The following SNAPC3 variants were observed in gnomAD, a reference collection of about 807,000 sequenced individuals.
The protein encoded by SNAPC3 is small nuclear RNA activating complex polypeptide 3, also known as snRNA-activating protein complex subunit 3.
In SNAPC3, 56 loss-of-function variants were observed where a neutral mutation model predicts 47.7. The ratio of observed to expected loss-of-function variants is 1.18; its 90% CI spans 0.95 to 1.47. SNAPC3 has a LOEUF of 1.47. SNAPC3 is among the 40% of genes most tolerant of loss of function. The pLI is 0.00. For missense variants in SNAPC3, 665 were observed against 511.3 expected (o/e 1.30, Z -2.90); for synonymous variants, 235 against 189.9 (o/e 1.24, Z -1.95).
chr9:15,434,493 C>T (rs974308412), intron 3 of SNAPC3, among the ~76,000 whole-genome samples: 2 of 151,636 alleles, frequency 1.3e-5, no homozygotes, highest in East Asian at 1.9e-4. Context: ...CTGCAGTCTC[C>T]GCCTCCTGGG....
chr9:15,427,618 A>G (rs2031585779), intron 2 of SNAPC3, among the ~76,000 whole-genome samples: 1 of 152,220 alleles, frequency 6.6e-6, no homozygotes. Context: ...AAGGGCTGGT[A>G]TTACAGGCGT....
chr9:15,462,821 T>C (rs1250488409), downstream of SNAPC3: 1 of 152,208 alleles, frequency 6.6e-6, no homozygotes, highest in Non-Finnish European at 1.5e-5. Context: ...CCAGTTTCTT[T>C]GTTTCTAAAG....
At chr9:15,458,432 A>G (rs560197403) in intron 8 of SNAPC3, among the ~76,000 whole-genome samples, 3 of 152,320 alleles carry the variant, frequency 2.0e-5, no homozygotes, top group Non-Finnish European at 4.4e-5. Flanking sequence ...GCACATTACC[A>G]TAAAGGGATT....
chr9:15,443,041 C>T (rs62570980), intron 3 of SNAPC3, among the ~76,000 whole-genome samples: 6,188 of 152,278 alleles, frequency 0.041, 138 homozygotes, highest in South Asian at 0.069. Flanking sequence ...CGTGGCGGCG[C>T]GCACCCGCAA....
chr9:15,459,783 CGA>C lies in SNAPC3; in HGVS notation c.1154_1155del (p.Arg385HisfsTer5). The C allele has an allele frequency of 6.2e-7, 1 of 1,613,138 alleles. No homozygotes were observed. Among genetic ancestry groups the C allele is most frequent in the Non-Finnish European group, 8.5e-7 (1 of 1,179,428 alleles). ...DPCFFCDVCF[R>X]MLHYDSEGNK... ...ATGCTTCTTTTGTGATGTTTGCTTC[CGA>C]ATGCTGCACTATGATTCAGAAGGCA... On this transcript the variant is annotated frameshift_variant, in exon 9 of 9. Transcript: ENST00000380821. LOFTEE classifies it high-confidence loss of function.
intron 3 of SNAPC3, among the ~76,000 whole-genome samples, chr9:15,442,753 A>T (rs983163272): frequency 2.6e-5 from 4 of 152,130 alleles, no homozygotes; most frequent in Non-Finnish European, 2.9e-5. Context: ...GACGCTCTTC[A>T]CTTGCCAGAC....
At chr9:15,451,556 T>C (rs1024781210) in intron 6 of SNAPC3, among the ~76,000 whole-genome samples, 154 bp downstream of exon 6, 1 of 152,152 alleles carries the variant, frequency 6.6e-6, no homozygotes, top group African/African-American at 2.4e-5. Flanking sequence ...CAAAAAAAAT[T>C]AGCCAGACAC....
chr9:15,456,247 T>C (rs941838240), intron 7 of SNAPC3, among the ~76,000 whole-genome samples: 1 of 152,032 alleles, frequency 6.6e-6, no homozygotes, highest in African/African-American at 2.4e-5. Flanking sequence ...TGACCTCAGG[T>C]GATCCGCCCA....
At chr9:15,449,603 T>C (rs1236810484) in intron 5 of SNAPC3, among the ~76,000 whole-genome samples, 1 of 142,070 alleles carries the variant, frequency 7.0e-6, no homozygotes, top group Non-Finnish European at 1.5e-5. Flanking sequence ...AGAATTTTGC[T>C]CTTCTTGCCC....
chr9:15,456,547 A>AG (rs1310142830), intron 7 of SNAPC3, among the ~76,000 whole-genome samples: 8 of 151,944 alleles, frequency 5.3e-5, no homozygotes, highest in African/African-American at 1.9e-4. Context: ...GGCTCAATGC[A>AG]GCCTCAACCT....
At chr9:15,427,685 A>G (rs1354542487) in intron 2 of SNAPC3, among the ~76,000 whole-genome samples, 2 of 152,172 alleles carry the variant, frequency 1.3e-5, no homozygotes, top group South Asian at 2.1e-4. Context: ...GAAATTTTAG[A>G]TTATTCTGCC....
rs375364940 is a variant in SNAPC3, at chr9:15,423,992, G to C, written c.392+6G>C. 1 of 1,532,710 alleles carries C rather than the reference G, an allele frequency of 6.5e-7. No homozygotes were observed. Among genetic ancestry groups the C allele is most frequent in the Non-Finnish European group, 8.8e-7 (1 of 1,134,512 alleles). The allele number at this position is 1,532,710 out of a possible 1,614,324, so 94.9% of individuals were successfully genotyped here. A position where few individuals can be genotyped will look rare whatever the true frequency, so the allele number is the denominator to read the frequency against. On this transcript the variant is annotated splice_donor_region_variant and intron_variant, in intron 2 of 8. Coordinates refer to ENST00000380821, the MANE Select transcript of SNAPC3 (RefSeq NM_001039697.2). ...ACTGACCTGGTGACTTTGGGGTATG[G>C]AGGACTTGGTTTTTATGACCTATTT... is the stretch of plus-strand genomic sequence containing the variant.
chr9:15,442,342 C>G (rs561836262), intron 3 of SNAPC3, among the ~76,000 whole-genome samples: 75 of 151,564 alleles, frequency 4.9e-4, no homozygotes, highest in Non-Finnish European at 9.9e-4. Context: ...GACGGGGCGG[C>G]TGCCGGGCAG....
At chr9:15,446,950 T>G (rs1563849621) in intron 4 of SNAPC3, 145 bp from the exon 5 acceptor site, 1 of 742,112 alleles carries the variant, frequency 1.3e-6, no homozygotes, top group South Asian at 1.7e-5. Context: ...CTATAATTAT[T>G]GGATGTGAAA....
At chr9:15,452,073 G>A (rs754966888) in intron 6 of SNAPC3, among the ~76,000 whole-genome samples, 1 of 151,900 alleles carries the variant, frequency 6.6e-6, no homozygotes, top group African/African-American at 2.4e-5. Flanking sequence ...AGCCATTCTC[G>A]TGCCTCAGCC....
intron 2 of SNAPC3, among the ~76,000 whole-genome samples, chr9:15,433,271 GA>G (rs74311447): frequency 0.055 from 6,607 of 119,128 alleles, 145 homozygotes; most frequent in South Asian, 0.088. Flanking sequence ...ATCTGGAACA[GA>G]AAAAAAAAAA....
intron 3 of SNAPC3, among the ~76,000 whole-genome samples, chr9:15,442,330 T>C (rs7857850): frequency 0.91 from 137,203 of 150,546 alleles, 62,728 homozygotes; most frequent in African/African-American, 0.95. Flanking sequence ...GGAGGCTGGC[T>C]GGACGGGGCG....
chr9:15,437,305 T>C (rs1160106834), intron 3 of SNAPC3, among the ~76,000 whole-genome samples: 2 of 151,912 alleles, frequency 1.3e-5, no homozygotes, highest in East Asian at 1.9e-4. Flanking sequence ...CAATCTTGGC[T>C]CACTGCAACT....
chr9:15,458,559 A>G (rs2034973367), intron 8 of SNAPC3, among the ~76,000 whole-genome samples: 2 of 152,206 alleles, frequency 1.3e-5, no homozygotes. Context: ...CTTCATCAAT[A>G]AAACCACAGT....
Sources: gnomAD v4.1 joint callset for allele counts (sites outside exome capture counted in the v4.1 genomes callset) on GRCh38, gnomAD v4.1.1 for gene constraint, MANE v1.5 for transcripts, NCBI Gene and HGNC (gene_info 2026-07-23, HGNC 2026-07-21) for gene names.